CEP63: variants seen among roughly 807,000 people sequenced by gnomAD.
The protein encoded by CEP63 is centrosomal protein of 63 kDa.
A neutral mutation model predicts 89.1 loss-of-function variants in CEP63; 84 were observed. The observed-to-expected ratio is 0.94, with a 90% CI of 0.79 to 1.13. CEP63 has a LOEUF of 1.13. Ranked by LOEUF, CEP63 falls within the 50% of genes most tolerant of loss-of-function variation. The probability of loss-of-function intolerance (pLI) is 0.00; values close to 1 mark genes in which losing one functional copy is unlikely to be tolerated. For missense variants in CEP63, 838 were observed against 813.3 expected (o/e 1.03, Z -0.37); for synonymous variants, 267 against 272.5 (o/e 0.98, Z 0.20).
chr3:134,698,018 A>G, the CEP63 span, among the ~76,000 whole-genome samples: 1 of 152,192 alleles, frequency 6.6e-6, no homozygotes, highest in Non-Finnish European at 1.5e-5. Flanking sequence ...TTGTCCAGAC[A>G]TGGAAGACTG....
chr3:134,616,162 A>G, the CEP63 span, among the ~76,000 whole-genome samples: 3 of 152,216 alleles, frequency 2.0e-5, no homozygotes, highest in Non-Finnish European at 4.4e-5. Flanking sequence ...AGAGACATTA[A>G]TGTTGGATGA....
At chr3:134,509,436 T>A (rs898063150) in intron 3 of CEP63, among the ~76,000 whole-genome samples, 6 of 152,196 alleles carry the variant, frequency 3.9e-5, no homozygotes, top group Non-Finnish European at 8.8e-5. Flanking sequence ...CACATGAGAT[T>A]TGAGCAGGGA....
the CEP63 span, among the ~76,000 whole-genome samples, chr3:134,593,515 C>G: frequency 2.6e-5 from 4 of 152,118 alleles, no homozygotes; most frequent in African/African-American, 7.2e-5. Context: ...GGTGTGTGCT[C>G]TTAGCTGGCA....
At chr3:134,652,496 G>A in the CEP63 span, among the ~76,000 whole-genome samples, 1 of 145,432 alleles carries the variant, frequency 6.9e-6, no homozygotes, top group South Asian at 2.2e-4. Context: ...TCTGATGGAA[G>A]GAGAGGTTGT....
chr3:134,574,793 A>C (rs1454655635), exon 12 of CEP63: 20 of 594,872 alleles, frequency 3.4e-5, no homozygotes, highest in Non-Finnish European at 6.2e-5. Context: ...TTTTTTGTAG[A>C]GATGGGGTTT....
chr3:134,610,047 C>T, the CEP63 span: 1 of 826,332 alleles, frequency 1.2e-6, no homozygotes, highest in African/African-American at 1.7e-5. Context: ...GGAGCCAGCC[C>T]ACTTCAGAGC....
the CEP63 span, among the ~76,000 whole-genome samples, chr3:134,681,016 C>G: frequency 5.3e-5 from 8 of 152,186 alleles, no homozygotes; most frequent in Non-Finnish European, 1.0e-4. Context: ...GCACTCGGGA[C>G]AGGAGCCTCT....
chr3:134,606,746 G>A, the CEP63 span, among the ~76,000 whole-genome samples: 3 of 152,174 alleles, frequency 2.0e-5, no homozygotes, highest in African/African-American at 7.2e-5. Context: ...TGACTGGGAA[G>A]ACTTGAAATA....
At chr3:134,643,331 A>G in the CEP63 span, 1 of 1,613,866 alleles carries the variant, frequency 6.2e-7, no homozygotes, top group Non-Finnish European at 8.5e-7. Context: ...CTGTTGTAGG[A>G]AGTGATGACC....
intron 1 of CEP63, among the ~76,000 whole-genome samples, chr3:134,488,574 T>A: frequency 6.6e-6 from 1 of 151,394 alleles, no homozygotes; most frequent in East Asian, 2.0e-4. Flanking sequence ...ACACCATTGC[T>A]CTCCAGACCA....
At chr3:134,726,556 T>C in the CEP63 span, among the ~76,000 whole-genome samples, 1 of 151,958 alleles carries the variant, frequency 6.6e-6, no homozygotes, top group Middle Eastern at 3.2e-3. Context: ...TTCCTCCTTC[T>C]CTCTCTCCCT....
At chr3:134,589,761 G>C (rs1189956657), downstream of CEP63, among the ~76,000 whole-genome samples, 2 of 151,988 alleles carry the variant, frequency 1.3e-5, no homozygotes, top group African/African-American at 4.8e-5. Context: ...ATCCCCAAAG[G>C]GATATTAACT....
intron 1 of CEP63, among the ~76,000 whole-genome samples, 170 bp from the exon 2 acceptor site, chr3:134,495,126 T>C (rs1939344060): frequency 6.6e-6 from 1 of 152,218 alleles, no homozygotes; most frequent in Non-Finnish European, 1.5e-5. Context: ...AAATAGTTTG[T>C]TCCTAGTATT....
chr3:134,501,134 G>C (rs1304938928), intron 2 of CEP63, among the ~76,000 whole-genome samples: 1 of 152,160 alleles, frequency 6.6e-6, no homozygotes, highest in East Asian at 1.9e-4. Flanking sequence ...CTTTGTTGAA[G>C]ATCAGTTCAT....
At chr3:134,522,933 T>C (rs1021742212) in intron 3 of CEP63, among the ~76,000 whole-genome samples, 12 of 152,162 alleles carry the variant, frequency 7.9e-5, no homozygotes, top group African/African-American at 2.2e-4. Context: ...ATGGGATTGC[T>C]GGGTTGAATG....
At chr3:134,597,139 T>TG in the CEP63 span, among the ~76,000 whole-genome samples, 1 of 152,038 alleles carries the variant, frequency 6.6e-6, no homozygotes, top group Non-Finnish European at 1.5e-5. Flanking sequence ...CCCTGAGCAA[T>TG]GGGGAACCAT....
chr3:134,745,398 C>T, the CEP63 span, among the ~76,000 whole-genome samples: 1 of 152,172 alleles, frequency 6.6e-6, no homozygotes, highest in East Asian at 1.9e-4. Flanking sequence ...ATGATGCATT[C>T]TCTCCTTCAA....
the CEP63 span, among the ~76,000 whole-genome samples, chr3:134,635,882 C>T: frequency 6.6e-6 from 1 of 152,294 alleles, no homozygotes; most frequent in South Asian, 2.1e-4. Flanking sequence ...AAATCCAAAG[C>T]CGATTATAGT....
downstream of CEP63, among the ~76,000 whole-genome samples, chr3:134,576,714 G>A (rs770624985): frequency 8.5e-5 from 13 of 152,172 alleles, no homozygotes; most frequent in Admixed American, 4.6e-4. Flanking sequence ...ATGGAACTCC[G>A]TATGTAACTT....
Sources: allele counts gnomAD v4.1 joint callset (sites outside exome capture counted in the v4.1 genomes callset), GRCh38; gene constraint gnomAD v4.1.1; transcripts MANE v1.5; gene names NCBI Gene and HGNC (gene_info 2026-07-23, HGNC 2026-07-21).